The following FASTKD2 variants were observed in gnomAD, a reference collection of about 807,000 sequenced individuals.
FASTKD2 encodes the protein FAST kinase domain-containing protein 2, mitochondrial.
A neutral mutation model predicts 63.6 loss-of-function variants in FASTKD2; 51 were observed. The ratio of observed to expected loss-of-function variants is 0.80; its 90% CI spans 0.64 to 1.01. The LOEUF (loss-of-function observed/expected upper bound fraction) is 1.01. Among genes scored for constraint, FASTKD2 ranks in the 50% least tolerant of loss-of-function variants. The pLI, the probability that FASTKD2 is intolerant of heterozygous loss-of-function variation, is 0.00. For missense variants in FASTKD2, 786 were observed against 831.1 expected (o/e 0.95, Z 0.67); for synonymous variants, 284 against 293.4 (o/e 0.97, Z 0.33).
In FASTKD2 at chr2:206,794,094, G is replaced by A. The variant is rs1260935199; in HGVS notation, c.*2292G>A. 1.3e-5 allele frequency among the ~76,000 whole-genome samples: 2 copies of A among 151,874 alleles called. No individual in the cohort carries two copies. The highest frequency in any genetic ancestry group is 2.9e-5 in the Non-Finnish European group (2 of 68,006). On this transcript the variant is annotated 3_prime_UTR_variant, in exon 12 of 12. Transcript: ENST00000402774. ...ATACAGTAAACTGCATATATTTAAA[G>A]TGTACCGTTAGGTCAGTTTTGACGT...
At chr2:206,765,774 C>A in intron 1 of FASTKD2, 27 bp downstream of exon 1, 1 of 154,452 alleles carries the variant, frequency 6.5e-6, no homozygotes, top group Non-Finnish European at 1.4e-5. Context: ...TGGGTTAATG[C>A]TGGGCGGCCC....
chr2:206,766,500 T>A, intron 1 of FASTKD2, 144 bp from the exon 2 acceptor site: 1 of 564,580 alleles, frequency 1.8e-6, no homozygotes, highest in African/African-American at 1.9e-5. Context: ...GAGCCCACAT[T>A]GGTAAAAAAA....
chr2:206,774,114 T>C, intron 6 of FASTKD2, 111 bp from the exon 7 acceptor site: 1 of 694,810 alleles, frequency 1.4e-6, no homozygotes, highest in Non-Finnish European at 2.5e-6. Context: ...TCAGGATATA[T>C]TCTGTTGATC....
rs1689763689 is a variant in FASTKD2 at position 206,774,300 on chromosome 2, A to G, written c.1330A>G (p.Ile444Val). 1.2e-6 allele frequency: 2 copies of G among 1,606,094 alleles called. No individual in the cohort carries two copies. Among genetic ancestry groups the G allele is most frequent in the East Asian group, 2.2e-5 (1 of 44,706 alleles). ...TTTAATGGACCTGTTTATGAAGAGA[A>G]TAGTAGAGGATCCTGAATCCCTAAA... The part of the protein sequence containing the change: ...VGLMDLFMKR[I>V]VEDPESLNMK... Residue 444 changes from isoleucine (I) to valine (V), a missense_variant, in exon 7 of 12, where the codon ATA becomes GTA. Coordinates refer to ENST00000402774, the MANE Select transcript of FASTKD2 (RefSeq NM_001136193.2).
intron 7 of FASTKD2, among the ~76,000 whole-genome samples, chr2:206,784,421 A>ACC (rs1461322366): frequency 1.3e-5 from 2 of 152,240 alleles, no homozygotes; most frequent in Admixed American, 6.5e-5. Flanking sequence ...CTTATTGTAT[A>ACC]CCCACATGCT....
chr2:206,766,634 TC>T lies in FASTKD2; in HGVS notation c.-50-6del. 2 of 1,353,706 alleles carry T rather than the reference TC, an allele frequency of 1.5e-6. No individual in the cohort carries two copies. Among genetic ancestry groups the T allele is most frequent in the Non-Finnish European group, 2.1e-6 (2 of 944,188 alleles). 83.9% of individuals were successfully genotyped at this position (1,353,706 alleles called of 1,614,324 possible). On this transcript the variant is annotated splice_polypyrimidine_tract_variant and intron_variant, in intron 1 of 11. Coordinates refer to ENST00000402774, the MANE Select transcript of FASTKD2 (RefSeq NM_001136193.2). Reference sequence around the variant, plus strand: ...AATTTTTATTCTTTTCATTACTTCTTCCCCTACAGGAAAACGACAGCACGTG... The same window carrying T: ...AATTTTTATTCTTTTCATTACTTCTTCCCTACAGGAAAACGACAGCACGTG...
At chr2:206,767,569 CAAATG>C in intron 2 of FASTKD2, 99 bp downstream of exon 2, 2 of 916,116 alleles carry the variant, frequency 2.2e-6, no homozygotes, top group Non-Finnish European at 3.4e-6. Flanking sequence ...AAGAGACTAT[CAAATG>C]GAATGGTAGT....
At chr2:206,791,428 A>G in intron 11 of FASTKD2, 1 of 461,906 alleles carries the variant, frequency 2.2e-6, no homozygotes, top group Non-Finnish European at 3.9e-6. Flanking sequence ...ATATATTCTA[A>G]GGAAGATTTT....
At chr2:206,771,706 ACATGCCTGTAGGTGGTG>A (rs1410703339) in intron 4 of FASTKD2, among the ~76,000 whole-genome samples, 171 bp from the exon 5 acceptor site, 1 of 149,802 alleles carries the variant, frequency 6.7e-6, no homozygotes, top group Non-Finnish European at 1.5e-5. Flanking sequence ...GCGTGGTGGT[ACATGCCTGTAGGTGGTG>A]CATGCCTGTA....
At chr2:206,780,512 T>C (rs142573528) in intron 7 of FASTKD2, among the ~76,000 whole-genome samples, 1 of 152,356 alleles carries the variant, frequency 6.6e-6, no homozygotes, top group East Asian at 1.9e-4. Flanking sequence ...TTTTCATCCT[T>C]GTGGGAGATA....
intron 7 of FASTKD2, among the ~76,000 whole-genome samples, chr2:206,784,164 G>A (rs888605616): frequency 2.6e-5 from 4 of 152,194 alleles, no homozygotes; most frequent in African/African-American, 9.7e-5. Context: ...TTGGTATTTT[G>A]AAGGCTATAA....
rs548336967 is a variant in FASTKD2, at chr2:206,793,423, A to G, written c.*1621A>G. Among the ~76,000 whole-genome samples, 2 of 152,198 alleles carry G rather than the reference A, an allele frequency of 1.3e-5. No individual in the cohort carries two copies. Among genetic ancestry groups the G allele is most frequent in the African/African-American group, 2.4e-5 (1 of 41,530 alleles). On this transcript the variant is annotated 3_prime_UTR_variant, in exon 12 of 12. Transcript: ENST00000402774. ...AAGAATTTTCCTTTCCTGAAGTCTC[A>G]GCTATGCCATTGGTTCCACATCATT...
Position 206,794,604 on chromosome 2 carries a change from A to C in FASTKD2, c.*2802A>C, listed in dbSNP as rs930614072. On this transcript the variant is annotated 3_prime_UTR_variant, in exon 12 of 12. Transcript: ENST00000402774. ...ATTCTCAGTAGTTACCACTGAATAG[A>C]AACTTTCTTTACACAAAGCTGATTA... Among the ~76,000 whole-genome samples, 1 of 152,204 alleles carries C rather than the reference A, an allele frequency of 6.6e-6. No homozygotes were observed. The highest frequency in any genetic ancestry group is 2.4e-5 in the African/African-American group (1 of 41,448).
intron 7 of FASTKD2, among the ~76,000 whole-genome samples, chr2:206,780,307 C>T (rs1283037560): frequency 3.9e-5 from 6 of 152,140 alleles, no homozygotes; most frequent in Non-Finnish European, 1.5e-5. Context: ...TGACAGTTTT[C>T]CTTGGCTTTC....
At chr2:206,768,474 G>A in intron 2 of FASTKD2, among the ~76,000 whole-genome samples, 1 of 152,162 alleles carries the variant, frequency 6.6e-6, no homozygotes, top group Non-Finnish European at 1.5e-5. Context: ...GCCAAGGCAG[G>A]AGGATCTCTT....
At chr2:206,767,563 G>C (rs574264824) in intron 2 of FASTKD2, 93 bp downstream of exon 2, 11 of 993,018 alleles carry the variant, frequency 1.1e-5, no homozygotes, top group Non-Finnish European at 1.7e-5. Flanking sequence ...TCTTAAAAGA[G>C]ACTATCAAAT....
intron 10 of FASTKD2, 161 bp downstream of exon 10, chr2:206,789,064 G>A (rs1309331197): frequency 3.1e-6 from 2 of 645,216 alleles, no homozygotes; most frequent in South Asian, 1.7e-5. Context: ...CTTAGAAAGT[G>A]TAAATGTGGA....
chr2:206,786,912 T>C lies in FASTKD2; in HGVS notation c.1594+13T>C, dbSNP rs1690152105. 1.3e-6 allele frequency: 2 copies of C among 1,588,086 alleles called. No individual in the cohort carries two copies. The highest frequency in any genetic ancestry group is 3.4e-5 in the Admixed American group (2 of 59,698). On this transcript the variant is annotated intron_variant, in intron 8 of 11. Coordinates refer to ENST00000402774, the MANE Select transcript of FASTKD2 (RefSeq NM_001136193.2). The stretch of plus-strand genomic sequence containing the variant: ...CTGCTGACATCAGGTAGGATGTTAG[T>C]GCAGAATTGGTCACCAATTGTGACC...
At chr2:206,775,277 C>A (rs867350646) in intron 7 of FASTKD2, among the ~76,000 whole-genome samples, 1 of 151,338 alleles carries the variant, frequency 6.6e-6, no homozygotes, top group Non-Finnish European at 1.5e-5. Flanking sequence ...AAGTGAGATC[C>A]CTGGATCATA....
Sources: gnomAD v4.1 joint callset for allele counts (sites outside exome capture counted in the v4.1 genomes callset) on GRCh38, gnomAD v4.1.1 for gene constraint, MANE v1.5 for transcripts, NCBI Gene and HGNC (gene_info 2026-07-23, HGNC 2026-07-21) for gene names.